The following HSD17B3 variants were observed in gnomAD, a reference collection of about 807,000 sequenced individuals.
The protein encoded by HSD17B3 is hydroxysteroid 17-beta dehydrogenase 3.
Under a neutral mutation model 41.1 loss-of-function variants are expected in HSD17B3, and 29 were observed. The observed-to-expected ratio is 0.71, with a 90% CI of 0.53 to 0.96. The LOEUF is 0.96. HSD17B3 is among the 40% of genes least tolerant of loss of function. The probability of loss-of-function intolerance (pLI) is 0.00; values close to 1 mark genes in which losing one functional copy is unlikely to be tolerated. For synonymous variants in HSD17B3, 126 were observed against 145.6 expected (o/e 0.87, Z 0.97); for missense variants, 323 against 374.6 (o/e 0.86, Z 1.14).
At chr9:96,237,778 C>A (rs1434563384) in intron 10 of HSD17B3, among the ~76,000 whole-genome samples, 1 of 152,174 alleles carries the variant, frequency 6.6e-6, no homozygotes, top group East Asian at 1.9e-4. Flanking sequence ...CTGTTCTTGG[C>A]AACTGTTTGC....
intron 7 of HSD17B3, 50 bp from the exon 8 acceptor site, chr9:96,245,476 C>T (rs1587718192): frequency 7.2e-7 from 1 of 1,395,616 alleles, no homozygotes. Context: ...CCTACCTGAC[C>T]TTGAGTACAA....
At chr9:96,279,721 G>T (rs1826609142) in intron 2 of HSD17B3, among the ~76,000 whole-genome samples, 1 of 151,980 alleles carries the variant, frequency 6.6e-6, no homozygotes, top group African/African-American at 2.4e-5. Context: ...TTCTTTTAGG[G>T]CCTGCTGTCT....
At chr9:96,238,454 G>C (rs1836309455) in intron 10 of HSD17B3, among the ~76,000 whole-genome samples, 1 of 152,166 alleles carries the variant, frequency 6.6e-6, no homozygotes, top group Non-Finnish European at 1.5e-5. Flanking sequence ...CTGAGGCCAA[G>C]AGTTGGAGAC....
intron 10 of HSD17B3, among the ~76,000 whole-genome samples, chr9:96,236,745 G>A (rs1033009230): frequency 2.0e-5 from 3 of 152,044 alleles, no homozygotes; most frequent in Non-Finnish European, 4.4e-5. Context: ...TCAGGCTGTA[G>A]GTACGGGCCT....
chr9:96,255,131 G>A (rs1825578180), intron 2 of HSD17B3, among the ~76,000 whole-genome samples, 188 bp from the exon 3 acceptor site: 1 of 152,084 alleles, frequency 6.6e-6, no homozygotes. Context: ...AATGGGCCAG[G>A]CTAACTAGTA....
intron 2 of HSD17B3, among the ~76,000 whole-genome samples, chr9:96,281,370 G>C (rs920439797): frequency 6.6e-6 from 1 of 152,124 alleles, no homozygotes; most frequent in Non-Finnish European, 1.5e-5. Flanking sequence ...ATTTACCCGG[G>C]TAAAGGATGG....
At chr9:96,266,228 T>C (rs1021693653) in intron 2 of HSD17B3, among the ~76,000 whole-genome samples, 25 of 152,228 alleles carry the variant, frequency 1.6e-4, no homozygotes, top group African/African-American at 5.8e-4. Flanking sequence ...AGTTTTTTCC[T>C]AGGAAAACAT....
rs35535710 is a variant in HSD17B3, at chr9:96,284,841, A to ATTT, written c.201+13572_201+13574dup. The stretch of plus-strand genomic sequence containing the variant: ...ATGGAACAGAGTTTCATCAAAGCCA[A>ATTT]TTTTTTTTTTTTTTTGAAACGGAGT... On this transcript the variant is annotated intron_variant, in intron 2 of 10. Coordinates refer to ENST00000375263, the MANE Select transcript of HSD17B3 (RefSeq NM_000197.2). 6.4e-4 allele frequency among the ~76,000 whole-genome samples: 94 copies of ATTT among 145,942 alleles called. 2 individuals are homozygous for ATTT. The East Asian group carries it at 9.8e-3, about 15-fold the overall frequency.
intron 10 of HSD17B3, 40 bp downstream of exon 10, chr9:96,240,718 T>G: frequency 6.2e-7 from 1 of 1,611,808 alleles, no homozygotes; most frequent in Non-Finnish European, 8.5e-7. Context: ...CTGCGTGTCC[T>G]CCCTCCCTGG....
intron 2 of HSD17B3, among the ~76,000 whole-genome samples, chr9:96,287,634 C>T (rs1026912214): frequency 3.3e-5 from 5 of 152,016 alleles, no homozygotes; most frequent in African/African-American, 9.7e-5. Context: ...CACTTGAACC[C>T]GGGAGGCAGA....
chr9:96,294,467 A>G (rs183534038), intron 2 of HSD17B3, among the ~76,000 whole-genome samples: 14 of 152,320 alleles, frequency 9.2e-5, no homozygotes, highest in African/African-American at 3.4e-4. Flanking sequence ...ACAATAAAGA[A>G]ATGAATGGCT....
intron 10 of HSD17B3, among the ~76,000 whole-genome samples, chr9:96,240,402 C>T (rs928111980): frequency 6.6e-6 from 1 of 152,000 alleles, no homozygotes; most frequent in Non-Finnish European, 1.5e-5. Context: ...TGTTTTTTTG[C>T]CTGGAGGGCT....
chr9:96,256,383 C>G (rs1324645847), intron 2 of HSD17B3: 4 of 152,082 alleles, frequency 2.6e-5, no homozygotes, highest in Non-Finnish European at 5.9e-5. Context: ...CCTGTAATCT[C>G]AGCACTCTGG....
At position 96,251,320 on chromosome 9, in the gene HSD17B3, A is replaced by G. The variant is rs185175651; in HGVS notation, c.453+98T>C. The G allele has an allele frequency of 1.6e-4, 163 of 992,618 alleles. No homozygotes were observed. The East Asian group carries it at 2.8e-3, about 17-fold the overall frequency. 61.5% of individuals were successfully genotyped at this position (992,618 alleles called of 1,614,324 possible). ...ACAGTCCAGGATTTCGGCCAGATGC[A>G]TGCTTCCATCACGCCTTCCCAGGCC... On this transcript the variant is annotated intron_variant, in intron 5 of 10. Coordinates refer to ENST00000375263, the MANE Select transcript of HSD17B3 (RefSeq NM_000197.2).
At chr9:96,248,166 G>A (rs749027287) in intron 6 of HSD17B3, among the ~76,000 whole-genome samples, 1 of 152,176 alleles carries the variant, frequency 6.6e-6, no homozygotes, top group Non-Finnish European at 1.5e-5. Flanking sequence ...TGGTAAGGCT[G>A]CAGATGACAG....
intron 2 of HSD17B3, among the ~76,000 whole-genome samples, chr9:96,267,584 TTTTTAA>T (rs1171585617): frequency 6.6e-6 from 1 of 152,100 alleles, no homozygotes; most frequent in Non-Finnish European, 1.5e-5. Flanking sequence ...TTCTTTAAAA[TTTTTAA>T]TTTTAAGAAA....
In HSD17B3 at chr9:96,252,916, C is replaced by G. The variant is rs2066483; in HGVS notation, c.278-6G>C. On this transcript the variant is annotated splice_polypyrimidine_tract_variant and splice_region_variant and intron_variant, in intron 3 of 10. Coordinates refer to ENST00000375263, the MANE Select transcript of HSD17B3 (RefSeq NM_000197.2). ...ACTCCTCCCTGTAGTCCGCTCTACA[C>G]GAGAGACAACAGTTTTTTTAATGAA... 3 of 1,571,030 alleles carry G rather than the reference C, an allele frequency of 1.9e-6. No individual in the cohort carries two copies. Among genetic ancestry groups the G allele is most frequent in the Non-Finnish European group, 2.6e-6 (3 of 1,140,998 alleles).
At chr9:96,259,670 G>A (rs546105091) in intron 2 of HSD17B3, among the ~76,000 whole-genome samples, 58 of 151,670 alleles carry the variant, frequency 3.8e-4, no homozygotes, top group African/African-American at 1.3e-3. Context: ...GCAGTGAGCC[G>A]AGATCACGCC....
intron 4 of HSD17B3, 76 bp downstream of exon 4, chr9:96,252,727 A>G (rs1825470702): frequency 2.4e-6 from 2 of 828,916 alleles, no homozygotes. Flanking sequence ...CCATGAAATA[A>G]TCAAATGTCA....
Sources: gnomAD v4.1 joint callset for allele counts (sites outside exome capture counted in the v4.1 genomes callset) on GRCh38, gnomAD v4.1.1 for gene constraint, MANE v1.5 for transcripts, NCBI Gene and HGNC (gene_info 2026-07-23, HGNC 2026-07-21) for gene names.